Variants in CD209 observed in about 807,000 individuals in gnomAD.
The protein encoded by CD209 is CD209 molecule.
A neutral mutation model predicts 44.7 loss-of-function variants in CD209; 31 were observed. The observed-to-expected ratio is 0.69, with a 90% CI of 0.52 to 0.94. CD209 has a LOEUF of 0.94. CD209 is among the 40% of genes least tolerant of loss of function. CD209 has a pLI of 0.00. For missense variants in CD209, 407 were observed against 452.4 expected (o/e 0.90, Z 0.91); for synonymous variants, 173 against 181.3 (o/e 0.95, Z 0.37).
chr19:7,746,308 G>T (rs1308925056), intron 3 of CD209, 152 bp downstream of exon 3: 16 of 1,053,192 alleles, frequency 1.5e-5, no homozygotes, highest in South Asian at 7.7e-5. Context: ...GCCCTAGAGT[G>T]GGGAGGGGCT....
chr19:7,742,068 C>A lies in CD209; in HGVS notation c.*971G>T. The stretch of plus-strand genomic sequence containing the variant: ...AGCCGTCACAGCCGGAGCCAAAGCT[C>A]CTCTAGATCCCAAAGTCGTGGTAGG... On this transcript the variant is annotated 3_prime_UTR_variant, in exon 7 of 7. Transcript: ENST00000315599. The A allele has an allele frequency of 3.4e-6, 1 of 293,956 alleles. No individual in the cohort carries two copies. The highest frequency in any genetic ancestry group is 4.2e-5 in the South Asian group (1 of 23,730). The allele number at this position is 293,956 out of a possible 1,614,324, so 18.2% of individuals were successfully genotyped here.
chr19:7,742,212 T>C lies in CD209; in HGVS notation c.*827A>G, dbSNP rs1487261578. On this transcript the variant is annotated 3_prime_UTR_variant, in exon 7 of 7. Transcript: ENST00000315599. The stretch of plus-strand genomic sequence containing the variant: ...GCTCACACCTGTAATCCCAGCAATT[T>C]TGGGAGGCCGAGGCGGGCAGATCAT... 4 of 158,668 alleles carry C rather than the reference T, an allele frequency of 2.5e-5. No individual in the cohort carries two copies. The Admixed American group carries it at 2.6e-4, about 10-fold the overall frequency. The allele number at this position is 158,668 out of a possible 1,614,324, so 9.8% of individuals were successfully genotyped here.
chr19:7,742,933 C>T lies in CD209; in HGVS notation c.*106G>A. On this transcript the variant is annotated 3_prime_UTR_variant, in exon 7 of 7. Coordinates refer to ENST00000315599, the MANE Select transcript of CD209 (RefSeq NM_021155.4). ...ATGACAAGAAGGACAGAATGGGACC[C>T]AGCCTTCTAAAGGAGGAAGAATCTG... 1.1e-6 allele frequency: 1 copy of T among 946,986 alleles called. No individual in the cohort carries two copies. Among genetic ancestry groups the T allele is most frequent in the South Asian group, 1.5e-5 (1 of 68,178 alleles). 58.7% of individuals were successfully genotyped at this position (946,986 alleles called of 1,614,324 possible).
Position 7,741,491 on chromosome 19 carries a change from T to TAA in CD209, c.*1546_*1547dup. 1 of 494,290 alleles carries TAA rather than the reference T, an allele frequency of 2.0e-6. No individual in the cohort carries two copies. 30.6% of individuals were successfully genotyped at this position (494,290 alleles called of 1,614,324 possible). ...TGGCGACAGAGCAAGACCCCATCTTTAAAAAAAAATAGTAATTAAAAAATA... is the reference window on the plus strand; with the variant it reads ...TGGCGACAGAGCAAGACCCCATCTTTAAAAAAAAAAATAGTAATTAAAAAATA... On this transcript the variant is annotated 3_prime_UTR_variant, in exon 7 of 7. Coordinates refer to ENST00000315599, the MANE Select transcript of CD209 (RefSeq NM_021155.4).
rs569642139 is a variant in CD209 at position 7,744,439 on chromosome 19, C to T, written c.901-220G>A. Among the ~76,000 whole-genome samples the T allele has an allele frequency of 2.0e-5, 3 of 152,326 alleles. No homozygotes were observed. The East Asian group carries it at 5.8e-4, about 29-fold the overall frequency. Reference sequence around the variant, plus strand: ...CATGCACAGCTGGCCTCTCCTCACACCCTCTTGCTAATACTGCATGTTTAT... The same window carrying T: ...CATGCACAGCTGGCCTCTCCTCACATCCTCTTGCTAATACTGCATGTTTAT... On this transcript the variant is annotated intron_variant, in intron 5 of 6. Transcript: ENST00000315599.
chr19:7,741,692 C>A lies in CD209; in HGVS notation c.*1347G>T. On this transcript the variant is annotated 3_prime_UTR_variant, in exon 7 of 7. Coordinates refer to ENST00000315599, the MANE Select transcript of CD209 (RefSeq NM_021155.4). ...TCAGTGTGAATTCTGCCCAGTGGCT[C>A]GGTGGAAAATGATGATTTGTGGTTT... 2.7e-6 allele frequency: 2 copies of A among 730,486 alleles called. No homozygotes were observed. The highest frequency in any genetic ancestry group is 4.8e-6 in the Non-Finnish European group (2 of 417,776). 45.3% of individuals were successfully genotyped at this position (730,486 alleles called of 1,614,324 possible). A position where few individuals can be genotyped will look rare whatever the true frequency, so the allele number is the denominator to read the frequency against.
chr19:7,746,183 A>G (rs911715865), intron 3 of CD209, 96 bp from the exon 4 acceptor site: 9 of 1,537,206 alleles, frequency 5.9e-6, no homozygotes, highest in South Asian at 1.2e-5. Context: ...GTGAGAGCCA[A>G]GGTCTTGGTT....
In CD209 at chr19:7,741,039, T is replaced by C. The variant is rs2033593817; in HGVS notation, c.*2000A>G. On this transcript the variant is annotated 3_prime_UTR_variant, in exon 7 of 7. Coordinates refer to ENST00000315599, the MANE Select transcript of CD209 (RefSeq NM_021155.4). Reference sequence around the variant, plus strand: ...CAACATCCAGTCCTACCCTTCTTATTAAAAGCATGTTTACAGTGTTTGGAA... The same window carrying C: ...CAACATCCAGTCCTACCCTTCTTATCAAAAGCATGTTTACAGTGTTTGGAA... 6.5e-6 allele frequency: 5 copies of C among 764,770 alleles called. No individual in the cohort carries two copies. The highest frequency in any genetic ancestry group is 5.9e-5 in the South Asian group (4 of 68,302). 47.4% of individuals were successfully genotyped at this position (764,770 alleles called of 1,614,324 possible).
chr19:7,744,078 G>A, intron 6 of CD209, 29 bp downstream of exon 6: 7 of 1,543,006 alleles, frequency 4.5e-6, no homozygotes, highest in Non-Finnish European at 6.3e-6. Context: ...TCCAGCCCCA[G>A]TGGATAGGGT....
Position 7,743,106 on chromosome 19 carries a change from G to A in CD209, c.1148C>T (p.Ser383Phe). 1 of 1,614,200 alleles carries A rather than the reference G, an allele frequency of 6.2e-7. No individual in the cohort carries two copies. The highest frequency in any genetic ancestry group is 8.5e-7 in the Non-Finnish European group (1 of 1,180,036). Residue 383 changes from serine (S) to phenylalanine (F), a missense_variant, in exon 7 of 7, where the codon TCC becomes TTC. Ser to Phe is a radical substitution (Grantham distance 155). Transcript: ENST00000315599. Reference sequence around the variant, plus strand: ...AAACTGTTCTTCATCCCTGGAGCAGGAGGCTGCGGACTTTTTGCAGATCCA... The same window carrying A: ...AAACTGTTCTTCATCCCTGGAGCAGAAGGCTGCGGACTTTTTGCAGATCCA... Reference protein sequence around the residue: ...KFWICKKSAASCSRDEEQFLS... With the variant: ...KFWICKKSAAFCSRDEEQFLS...
chr19:7,746,798 T>A (rs1301348457), intron 2 of CD209, among the ~76,000 whole-genome samples: 1 of 119,066 alleles, frequency 8.4e-6, no homozygotes, highest in Admixed American at 8.1e-5. Flanking sequence ...GCCTCTACAT[T>A]CCCAGGTCCC....
chr19:7,744,922 G>A lies in CD209; in HGVS notation c.900+19C>T, dbSNP rs1240243464. ...GAAGCCATGCCCTAGGCCAGGACGG[G>A]GACCCCCACCAGGTGTACCTGCTCC... On this transcript the variant is annotated intron_variant, in intron 5 of 6. Coordinates refer to ENST00000315599, the MANE Select transcript of CD209 (RefSeq NM_021155.4). 1.9e-6 allele frequency: 3 copies of A among 1,613,830 alleles called. No individual in the cohort carries two copies. Among genetic ancestry groups the A allele is most frequent in the East Asian group, 2.2e-5 (1 of 44,878 alleles).
In CD209 at chr19:7,740,963, A is replaced by G; in HGVS notation, c.*2076T>C. ...AAGGATGGAGTTAATTGTCCCTTCTACAGTAAAACAGGAGCTTGCAGATTT... is the reference window on the plus strand; with the variant it reads ...AAGGATGGAGTTAATTGTCCCTTCTGCAGTAAAACAGGAGCTTGCAGATTT... On this transcript the variant is annotated 3_prime_UTR_variant, in exon 7 of 7. Transcript: ENST00000315599. The G allele has an allele frequency of 1.4e-6, 1 of 711,924 alleles. No homozygotes were observed. The highest frequency in any genetic ancestry group is 2.6e-6 in the Non-Finnish European group (1 of 389,394). 44.1% of individuals were successfully genotyped at this position (711,924 alleles called of 1,614,324 possible).
chr19:7,745,349 C>T (rs1465481658), intron 4 of CD209, among the ~76,000 whole-genome samples, 169 bp downstream of exon 4: 3 of 152,196 alleles, frequency 2.0e-5, no homozygotes, highest in Non-Finnish European at 4.4e-5. Context: ...TAACTGAGTG[C>T]CTGTTGTGTA....
rs1230311713 is a variant in CD209, at chr19:7,740,548, A to C, written c.*2491T>G. On this transcript the variant is annotated 3_prime_UTR_variant, in exon 7 of 7. Transcript: ENST00000315599. ...AAGAAGGAGAAACGAAAGAAACGCCAGCAGGAACTTGCTCCACTGAGGGAC... is the reference window on the plus strand; with the variant it reads ...AAGAAGGAGAAACGAAAGAAACGCCCGCAGGAACTTGCTCCACTGAGGGAC... 4 of 1,131,828 alleles carry C rather than the reference A, an allele frequency of 3.5e-6. No homozygotes were observed. The highest frequency in any genetic ancestry group is 4.0e-6 in the Non-Finnish European group (3 of 742,324). The allele number at this position is 1,131,828 out of a possible 1,614,324, so 70.1% of individuals were successfully genotyped here.
chr19:7,746,540 G>A lies in CD209; in HGVS notation c.107-9C>T. On this transcript the variant is annotated splice_polypyrimidine_tract_variant and intron_variant, in intron 2 of 6. Transcript: ENST00000315599. ...ACCATGGCCAAGACACCCTGAGAGA[G>A]GATACATGCGTCAGCCTGCCAGTGT... 1 of 1,613,476 alleles carries A rather than the reference G, an allele frequency of 6.2e-7. No individual in the cohort carries two copies. Among genetic ancestry groups the A allele is most frequent in the Non-Finnish European group, 8.5e-7 (1 of 1,179,520 alleles).
At position 7,740,407 on chromosome 19, in the gene CD209, C is replaced by T. The variant is rs931453588; in HGVS notation, c.*2632G>A. 2 of 615,892 alleles carry T rather than the reference C, an allele frequency of 3.2e-6. No homozygotes were observed. The highest frequency in any genetic ancestry group is 1.9e-5 in the African/African-American group (1 of 53,296). 38.2% of individuals were successfully genotyped at this position (615,892 alleles called of 1,614,324 possible). ...GCTGAATCTGCGGTTACAATGTTTACCAGTTTATTATAAAGGATACAACTA... is the reference window on the plus strand; with the variant it reads ...GCTGAATCTGCGGTTACAATGTTTATCAGTTTATTATAAAGGATACAACTA... On this transcript the variant is annotated 3_prime_UTR_variant, in exon 7 of 7. Transcript: ENST00000315599.
rs11465390 is a variant in CD209 at position 7,743,478 on chromosome 19, A to G, written c.1014-238T>C. ...GTGTGTGATTTTCAAATACAAGCCAACCAGTCTGGAGTCCACACCTCCAGC... is the reference window on the plus strand; with the variant it reads ...GTGTGTGATTTTCAAATACAAGCCAGCCAGTCTGGAGTCCACACCTCCAGC... On this transcript the variant is annotated intron_variant, in intron 6 of 6. Transcript: ENST00000315599. Among the ~76,000 whole-genome samples the G allele has an allele frequency of 8.2e-3, 1,241 of 152,042 alleles. 19 individuals are homozygous for G. Among genetic ancestry groups the G allele is most frequent in the African/African-American group, 0.028 (1,173 of 41,472 alleles).
Position 7,741,729 on chromosome 19 carries a change from A to C in CD209, c.*1310T>G. 1 of 627,226 alleles carries C rather than the reference A, an allele frequency of 1.6e-6. No homozygotes were observed. The allele number at this position is 627,226 out of a possible 1,614,324, so 38.9% of individuals were successfully genotyped here. A position where few individuals can be genotyped will look rare whatever the true frequency, so the allele number is the denominator to read the frequency against. ...ATGATTTGTGGTTTATTTGAAATAC[A>C]ACAATGTCCAAGAGGAAAACACTGC... is the stretch of plus-strand genomic sequence containing the variant. On this transcript the variant is annotated 3_prime_UTR_variant, in exon 7 of 7. Transcript: ENST00000315599.
Sources: gnomAD v4.1 joint callset for allele counts (sites outside exome capture counted in the v4.1 genomes callset) on GRCh38, gnomAD v4.1.1 for gene constraint, MANE v1.5 for transcripts, NCBI Gene and HGNC (gene_info 2026-07-23, HGNC 2026-07-21) for gene names.